Variants in REV3L observed in about 807,000 individuals in gnomAD.
REV3L encodes the protein DNA polymerase zeta catalytic subunit.
A neutral mutation model predicts 299.4 loss-of-function variants in REV3L; 69 were observed. The observed-to-expected ratio is 0.23, with a 90% confidence interval of 0.19 to 0.28. REV3L has a LOEUF of 0.28. Among genes scored for constraint, REV3L ranks in the 10% least tolerant of loss-of-function variants. REV3L has a pLI of 1.00. For missense variants in REV3L, 3,128 were observed against 3,693.8 expected (o/e 0.85, Z 3.97); for synonymous variants, 1,238 against 1,271.4 (o/e 0.97, Z 0.56).
At position 111,318,110 on chromosome 6, in the gene REV3L, C is replaced by T. The variant is rs143347303; in HGVS notation, c.8352-2729G>A. Reference sequence around the variant, plus strand: ...TCTTTTTTCTTTTTTTTTTTTGAGACGGAGTCTTGCTCTGTCACCCAGGCT... The same window carrying T: ...TCTTTTTTCTTTTTTTTTTTTGAGATGGAGTCTTGCTCTGTCACCCAGGCT... On this transcript the variant is annotated intron_variant, in intron 26 of 31. Transcript: ENST00000368802. Among the ~76,000 whole-genome samples, 8 of 149,876 alleles carry T rather than the reference C, an allele frequency of 5.3e-5. No homozygotes were observed. The East Asian group carries it at 7.8e-4, about 15-fold the overall frequency.
At position 111,362,943 on chromosome 6, in the gene REV3L, G is replaced by A. The variant is rs532700335; in HGVS notation, c.6879+910C>T. On this transcript the variant is annotated intron_variant, in intron 16 of 31. Transcript: ENST00000368802. ...TCCATGCTGCTAGCGGCTACCATAC[G>A]ACAGCACAGGTGTAAACAATGAAAA... is the stretch of plus-strand genomic sequence containing the variant. Among the ~76,000 whole-genome samples, 10 of 152,284 alleles carry A rather than the reference G, an allele frequency of 6.6e-5. No homozygotes were observed. The South Asian group carries it at 1.5e-3, about 22-fold the overall frequency.
intron 31 of REV3L, among the ~76,000 whole-genome samples, chr6:111,300,515 C>T (rs1024809331): frequency 4.6e-5 from 7 of 152,232 alleles, no homozygotes; most frequent in Admixed American, 2.0e-4. Context: ...ACTATATTCT[C>T]ATATGCCAAT....
intron 7 of REV3L, 37 bp downstream of exon 7, chr6:111,389,066 TTGA>T: frequency 7.0e-7 from 1 of 1,432,160 alleles, no homozygotes. Flanking sequence ...ATTAAAATAC[TTGA>T]TTTAAAAGAA....
At chr6:111,464,411 G>C (rs1306883600) in intron 1 of REV3L, among the ~76,000 whole-genome samples, 3 of 152,144 alleles carry the variant, frequency 2.0e-5, no homozygotes, top group Non-Finnish European at 2.9e-5. Flanking sequence ...GGTATGTATG[G>C]AATGGGACCT....
chr6:111,450,236 T>C (rs990349723), intron 1 of REV3L, among the ~76,000 whole-genome samples: 7 of 152,104 alleles, frequency 4.6e-5, no homozygotes, highest in South Asian at 2.1e-4. Context: ...CCCAGCTCTT[T>C]GGGAGGCTGA....
At chr6:111,357,273 T>A (rs557304646) in intron 17 of REV3L, 148 bp from the exon 18 acceptor site, 4 of 326,770 alleles carry the variant, frequency 1.2e-5, no homozygotes, top group African/African-American at 8.6e-5. Context: ...AGTGAAAACA[T>A]AACTAACTCA....
intron 25 of REV3L, among the ~76,000 whole-genome samples, chr6:111,327,596 A>G (rs1367043741): frequency 6.6e-6 from 1 of 151,960 alleles, no homozygotes; most frequent in African/African-American, 2.4e-5. Flanking sequence ...TACATTAGTA[A>G]TATCATTTCC....
chr6:111,446,390 T>TTTATAAA (rs1788836383), intron 1 of REV3L, among the ~76,000 whole-genome samples: 1 of 152,120 alleles, frequency 6.6e-6, no homozygotes, highest in Non-Finnish European at 1.5e-5. Context: ...TGGGATGAAG[T>TTTATAAA]GACTTTAGTT....
chr6:111,311,285 A>G, intron 28 of REV3L, 26 bp from the exon 29 acceptor site: 1 of 1,555,014 alleles, frequency 6.4e-7, no homozygotes, highest in Non-Finnish European at 8.8e-7. Context: ...ATATGCAAGT[A>G]AAGATAAAAT....
chr6:111,354,340 TA>T (rs199574239), intron 18 of REV3L, among the ~76,000 whole-genome samples: 1 of 151,984 alleles, frequency 6.6e-6, no homozygotes, highest in Non-Finnish European at 1.5e-5. Context: ...ACACTTTTTT[TA>T]AAAAAAATAA....
intron 3 of REV3L, 35 bp downstream of exon 3, chr6:111,411,445 A>T: frequency 8.0e-7 from 1 of 1,253,346 alleles, no homozygotes; most frequent in South Asian, 1.4e-5. Flanking sequence ...CTTCAATGAT[A>T]GTTATTCATA....
chr6:111,423,204 T>A (rs1267832063), intron 1 of REV3L, among the ~76,000 whole-genome samples: 1 of 152,048 alleles, frequency 6.6e-6, no homozygotes, highest in African/African-American at 2.4e-5. Flanking sequence ...GAGAAAATGA[T>A]GAATAAATAG....
At chr6:111,327,047 G>A (rs956436750) in intron 25 of REV3L, among the ~76,000 whole-genome samples, 1 of 152,180 alleles carries the variant, frequency 6.6e-6, no homozygotes, top group Admixed American at 6.5e-5. Flanking sequence ...CTGCTTGGCA[G>A]TCTGAGTTCA....
chr6:111,480,316 T>TATCTTTGCATTATGTTTAC (rs1562379726), intron 1 of REV3L, among the ~76,000 whole-genome samples: 1 of 152,254 alleles, frequency 6.6e-6, no homozygotes, highest in African/African-American at 2.4e-5. Context: ...ACCATGTTTA[T>TATCTTTGCATTATGTTTAC]ATCTTTGCAT....
chr6:111,430,575 C>A (rs1038084710), intron 1 of REV3L: 2 of 1,564,096 alleles, frequency 1.3e-6, no homozygotes, highest in South Asian at 1.1e-5. Context: ...GGCTGACTTG[C>A]AGAAAACTCA....
intron 10 of REV3L, 133 bp from the exon 11 acceptor site, chr6:111,380,352 TG>T: frequency 1.6e-6 from 1 of 632,574 alleles, no homozygotes; most frequent in South Asian, 2.0e-5. Flanking sequence ...CTCTGCCTCC[TG>T]GGTTCATGCC....
chr6:111,361,170 G>A (rs572673050), intron 16 of REV3L: 1 of 151,934 alleles, frequency 6.6e-6, no homozygotes, highest in East Asian at 1.9e-4. Flanking sequence ...GATCACCTGA[G>A]GTCAGGAGTT....
At chr6:111,388,515 A>G (rs1235498201) in intron 7 of REV3L, among the ~76,000 whole-genome samples, 2 of 152,174 alleles carry the variant, frequency 1.3e-5, no homozygotes, top group East Asian at 1.9e-4. Flanking sequence ...TTGAAATAAT[A>G]TATCTGCCTT....
chr6:111,473,897 C>T (rs1276545684), intron 1 of REV3L, among the ~76,000 whole-genome samples: 13 of 152,050 alleles, frequency 8.5e-5, no homozygotes, highest in Admixed American at 8.5e-4. Context: ...CCTGAGCCTG[C>T]TATGTAGATT....
Sources: allele counts gnomAD v4.1 joint callset (sites outside exome capture counted in the v4.1 genomes callset), GRCh38; gene constraint gnomAD v4.1.1; transcripts MANE v1.5; gene names NCBI Gene and HGNC (gene_info 2026-07-23, HGNC 2026-07-21).